ABCA13: variants seen among roughly 807,000 people sequenced by gnomAD.
ABCA13 encodes the protein ATP-binding cassette sub-family A member 13.
A neutral mutation model predicts 478.7 loss-of-function variants in ABCA13; 476 were observed. The ratio of observed to expected loss-of-function variants is 0.99; its 90% CI spans 0.92 to 1.07. The LOEUF is 1.07. Among genes scored for constraint, ABCA13 ranks in the 50% least tolerant of loss-of-function variants. The pLI, the probability that ABCA13 is intolerant of heterozygous loss-of-function variation, is 0.00. For synonymous variants in ABCA13, 2,252 were observed against 2,158.9 expected (o/e 1.04, Z -1.20); for missense variants, 6,060 against 5,910.6 (o/e 1.03, Z -0.83).
At chr7:48,199,176 C>G (rs1010241663) in intron 3 of ABCA13, among the ~76,000 whole-genome samples, 2 of 152,110 alleles carry the variant, frequency 1.3e-5, no homozygotes, top group Non-Finnish European at 2.9e-5. Flanking sequence ...TTTTCCAACT[C>G]TAAGTTACAA....
rs757737367 is a variant in ABCA13, at chr7:48,455,272, G to T, written c.12801G>T (p.Glu4267Asp). The change falls in exon 43 of 62, where the codon GAG becomes GAT. Residue 4267 changes from glutamate (E) to aspartate (D), a missense_variant. Around this residue, in one of 3 missense-constraint regions of ABCA13, gnomAD observed 1,627 missense variants for 1,571.0 expected, o/e 1.04. Transcript: ENST00000435803. Reference protein sequence around the residue: ...RLTPGHYQRAETYFFSSGGDN... With the variant: ...RLTPGHYQRADTYFFSSGGDN... ...CACCTGGACATTACCAGCGGGCCGA[G>T]ACCTACTTTTTCAGGTAAGTTGTTT... The T allele has an allele frequency of 1.9e-6, 3 of 1,603,906 alleles. No individual in the cohort carries two copies. The highest frequency in any genetic ancestry group is 4.5e-5 in the East Asian group (2 of 44,616).
intron 39 of ABCA13, among the ~76,000 whole-genome samples, chr7:48,405,040 C>T (rs751835582): frequency 7.2e-5 from 11 of 152,204 alleles, no homozygotes; most frequent in Non-Finnish European, 1.5e-4. Context: ...TCGGAGTTCA[C>T]GAGGCTCAGC....
At chr7:48,523,323 G>T (rs1832680425) in intron 53 of ABCA13, among the ~76,000 whole-genome samples, 1 of 152,096 alleles carries the variant, frequency 6.6e-6, no homozygotes, top group South Asian at 2.1e-4. Context: ...AAGAAAAGTT[G>T]CTGGGGATAC....
chr7:48,505,988 T>C (rs761132653), intron 48 of ABCA13, among the ~76,000 whole-genome samples: 18 of 152,180 alleles, frequency 1.2e-4, no homozygotes, highest in Non-Finnish European at 2.5e-4. Context: ...TCTTTGCATA[T>C]TGTTACTTAG....
intron 39 of ABCA13, among the ~76,000 whole-genome samples, chr7:48,407,993 C>A (rs1475423261): frequency 1.3e-5 from 2 of 152,070 alleles, no homozygotes; most frequent in Non-Finnish European, 2.9e-5. Context: ...CCACAGATAC[C>A]AAGGGACAAA....
chr7:48,522,402 C>A (rs564176339), intron 53 of ABCA13, among the ~76,000 whole-genome samples: 1 of 152,126 alleles, frequency 6.6e-6, no homozygotes, highest in South Asian at 2.1e-4. Context: ...GACCTGAGCC[C>A]TAGTTCCTGC....
chr7:48,427,742 A>G (rs373000292), intron 41 of ABCA13, 24 bp from the exon 42 acceptor site: 82 of 1,484,352 alleles, frequency 5.5e-5, no homozygotes, highest in Non-Finnish European at 7.0e-5. Context: ...AAAATAATAC[A>G]TGGCGTTTTT....
chr7:48,370,569 A>C (rs1309535976), intron 32 of ABCA13, among the ~76,000 whole-genome samples: 2 of 152,118 alleles, frequency 1.3e-5, no homozygotes, highest in African/African-American at 4.8e-5. Flanking sequence ...TAAAATTGGA[A>C]ATCAACTACA....
intron 3 of ABCA13, among the ~76,000 whole-genome samples, chr7:48,199,642 A>G (rs1043072985): frequency 6.6e-6 from 1 of 152,234 alleles, no homozygotes; most frequent in Non-Finnish European, 1.5e-5. Flanking sequence ...TATGATATAA[A>G]GAGGCTCATT....
chr7:48,454,218 C>T (rs1445075602), intron 42 of ABCA13, among the ~76,000 whole-genome samples: 1 of 152,170 alleles, frequency 6.6e-6, no homozygotes, highest in East Asian at 1.9e-4. Context: ...CTTTGGACGT[C>T]GTTTAAGACT....
At chr7:48,185,695 A>G (rs760635842) in intron 1 of ABCA13, among the ~76,000 whole-genome samples, 25 of 152,132 alleles carry the variant, frequency 1.6e-4, no homozygotes, top group Non-Finnish European at 3.4e-4. Context: ...TCTTTTGTTG[A>G]TAATACAAAT....
At chr7:48,415,879 C>G (rs1433487284) in intron 41 of ABCA13, among the ~76,000 whole-genome samples, 1 of 152,136 alleles carries the variant, frequency 6.6e-6, no homozygotes, top group Non-Finnish European at 1.5e-5. Context: ...TATTCATAAC[C>G]ATAGCACATG....
chr7:48,269,062 CT>C lies in ABCA13; in HGVS notation c.2090del (p.Leu697TyrfsTer13). On this transcript the variant is annotated frameshift_variant, in exon 16 of 62. Transcript: ENST00000435803. LOFTEE classifies it high-confidence loss of function. ...SDNYFQFLNNLLKSPTASISR... is the reference protein window; with the variant it reads ...SDNYFQFLNNXLKSPTASISR... ...ATAATTATTTTCAATTTTTGAATAA[CT>C]TACTCAAGTCTCCAACAGCTTCCAT... The C allele has an allele frequency of 1.3e-6, 2 of 1,593,530 alleles. No individual in the cohort carries two copies. The highest frequency in any genetic ancestry group is 1.7e-6 in the Non-Finnish European group (2 of 1,162,878).
intron 49 of ABCA13, 94 bp from the exon 50 acceptor site, chr7:48,507,778 A>G (rs1333429910): frequency 2.1e-5 from 28 of 1,363,288 alleles, no homozygotes; most frequent in Non-Finnish European, 2.7e-5. Flanking sequence ...TTTAATTAGC[A>G]GTTTTCACTG....
intron 1 of ABCA13, among the ~76,000 whole-genome samples, chr7:48,175,750 C>T (rs947311735): frequency 5.3e-5 from 8 of 152,252 alleles, no homozygotes; most frequent in African/African-American, 1.9e-4. Context: ...ATTATATAGT[C>T]ATCCTATAGT....
At chr7:48,249,849 T>G (rs1259791279) in intron 15 of ABCA13, among the ~76,000 whole-genome samples, 2 of 151,726 alleles carry the variant, frequency 1.3e-5, no homozygotes, top group Non-Finnish European at 2.9e-5. Context: ...CAAGCAATTC[T>G]CCACTTCTCC....
At chr7:48,307,791 C>T (rs113223034) in intron 23 of ABCA13, among the ~76,000 whole-genome samples, 3 of 152,120 alleles carry the variant, frequency 2.0e-5, no homozygotes, top group Non-Finnish European at 4.4e-5. Flanking sequence ...AGCAATTCCC[C>T]TGCCTCAGTC....
intron 31 of ABCA13, 122 bp from the exon 32 acceptor site, chr7:48,367,672 T>C (rs1811891649): frequency 1.4e-6 from 1 of 734,908 alleles, no homozygotes; most frequent in African/African-American, 1.7e-5. Flanking sequence ...GTCACAGGCA[T>C]GTAGAAATGA....
intron 32 of ABCA13, among the ~76,000 whole-genome samples, chr7:48,368,681 GTATGTGTATATATATATA>G (rs1378285969): frequency 3.0e-5 from 3 of 99,762 alleles, no homozygotes; most frequent in Admixed American, 2.1e-4. Context: ...GTGTGTGTGT[GTATGTGTATATATATATA>G]TATATATATA....
Sources: gnomAD v4.1 joint callset for allele counts (sites outside exome capture counted in the v4.1 genomes callset) on GRCh38, gnomAD v4.1.1 for gene constraint, gnomAD v4.1.1 regional missense constraint, MANE v1.5 for transcripts, NCBI Gene and HGNC (gene_info 2026-07-23, HGNC 2026-07-21) for gene names.